Variants in IQCM observed in about 807,000 individuals in gnomAD.
IQCM encodes the protein IQ domain-containing protein M.
In IQCM, 45 loss-of-function variants were observed where a neutral mutation model predicts 57.6. That is an observed-to-expected ratio of 0.78 (90% confidence interval 0.62 to 1.00). IQCM has a LOEUF of 1.00. Among genes scored for constraint, IQCM ranks in the 50% least tolerant of loss-of-function variants. The pLI is 0.00. For synonymous variants in IQCM, 148 were observed against 158.9 expected (o/e 0.93, Z 0.51); for missense variants, 468 against 511.6 (o/e 0.91, Z 0.82).
chr4:149,757,765 GTA>G (rs950674232), intron 2 of IQCM, among the ~76,000 whole-genome samples: 36 of 143,554 alleles, frequency 2.5e-4, no homozygotes, highest in South Asian at 1.4e-3. Context: ...GTGTGTGTGT[GTA>G]TATTTCTGCA....
intron 10 of IQCM, 30 bp from the exon 11 acceptor site, chr4:149,553,317 T>C (rs1749217264): frequency 8.1e-7 from 1 of 1,227,404 alleles, no homozygotes; most frequent in South Asian, 4.1e-5. Context: ...CCTTATATAT[T>C]TCTGGTATTT....
At chr4:149,509,133 G>C (rs1053105476) in intron 12 of IQCM, among the ~76,000 whole-genome samples, 1 of 152,118 alleles carries the variant, frequency 6.6e-6, no homozygotes, top group East Asian at 1.9e-4. Context: ...AGTGAAAACA[G>C]ACTAATATAC....
chr4:149,769,367 C>T (rs149342238), intron 2 of IQCM, among the ~76,000 whole-genome samples: 2 of 152,054 alleles, frequency 1.3e-5, no homozygotes, highest in East Asian at 1.9e-4. Flanking sequence ...TCCAACAACC[C>T]TTTATATCCA....
At chr4:149,415,472 C>T (rs1037480656) in intron 13 of IQCM, among the ~76,000 whole-genome samples, 1 of 152,098 alleles carries the variant, frequency 6.6e-6, no homozygotes, top group Admixed American at 6.6e-5. Context: ...TTCTGTAAAT[C>T]ACATAATAAA....
At chr4:149,479,289 A>AG (rs1001968258) in intron 12 of IQCM, among the ~76,000 whole-genome samples, 10 of 152,324 alleles carry the variant, frequency 6.6e-5, no homozygotes, top group Non-Finnish European at 1.3e-4. Flanking sequence ...TGGTATACAG[A>AG]GGGAAAAACA....
At chr4:149,409,724 A>G (rs4835579) in intron 13 of IQCM, among the ~76,000 whole-genome samples, 22,177 of 152,156 alleles carry the variant, frequency 0.15, 2,032 homozygotes, top group South Asian at 0.33. Context: ...TTCCTCCACC[A>G]TTTATGAAGA....
intron 12 of IQCM, among the ~76,000 whole-genome samples, chr4:149,455,270 T>C (rs561810136): frequency 3.3e-5 from 5 of 152,016 alleles, no homozygotes; most frequent in African/African-American, 1.2e-4. Flanking sequence ...GAGCTATAGA[T>C]ATGGCTCATT....
At chr4:149,768,863 T>C (rs976297094) in intron 2 of IQCM, among the ~76,000 whole-genome samples, 1 of 152,094 alleles carries the variant, frequency 6.6e-6, no homozygotes. Context: ...CTTGAGTTTT[T>C]TGGGCACTTT....
chr4:149,596,489 T>A (rs537202354), intron 8 of IQCM, among the ~76,000 whole-genome samples: 1 of 152,094 alleles, frequency 6.6e-6, no homozygotes, highest in African/African-American at 2.4e-5. Flanking sequence ...AGTTGAGAGG[T>A]AAACATTGGA....
At chr4:149,416,085 A>G (rs1027673315) in intron 13 of IQCM, among the ~76,000 whole-genome samples, 1 of 152,018 alleles carries the variant, frequency 6.6e-6, no homozygotes, top group Non-Finnish European at 1.5e-5. Flanking sequence ...TTAATTTAGA[A>G]TCCTAATCAG....
chr4:149,721,059 G>C (rs1330406755), intron 5 of IQCM, among the ~76,000 whole-genome samples: 1 of 152,016 alleles, frequency 6.6e-6, no homozygotes, highest in Non-Finnish European at 1.5e-5. Context: ...TGTATAATCG[G>C]TCATCTGTTT....
At chr4:149,504,633 G>T (rs1743598364) in intron 12 of IQCM, among the ~76,000 whole-genome samples, 2 of 152,148 alleles carry the variant, frequency 1.3e-5, no homozygotes, top group Admixed American at 1.3e-4. Context: ...GAGACTGGGG[G>T]CCAGGTGCAG....
intron 8 of IQCM, among the ~76,000 whole-genome samples, chr4:149,616,958 CT>C (rs774160343): frequency 0.032 from 4,515 of 140,590 alleles, 120 homozygotes; most frequent in African/African-American, 0.081. Context: ...TATCCTGGAA[CT>C]TTTTTTTTTT....
chr4:149,527,596 T>C (rs1463403914), intron 12 of IQCM, among the ~76,000 whole-genome samples: 1 of 152,210 alleles, frequency 6.6e-6, no homozygotes, highest in African/African-American at 2.4e-5. Flanking sequence ...CACGCTATAG[T>C]ATTTTGTTAA....
intron 12 of IQCM, among the ~76,000 whole-genome samples, chr4:149,453,330 A>G (rs1737338030): frequency 6.6e-6 from 1 of 151,802 alleles, no homozygotes; most frequent in Admixed American, 6.6e-5. Flanking sequence ...CCAAACTCAC[A>G]ATGACAAAAG....
At chr4:149,485,460 C>T (rs1008192273) in intron 12 of IQCM, among the ~76,000 whole-genome samples, 4 of 151,666 alleles carry the variant, frequency 2.6e-5, no homozygotes, top group Non-Finnish European at 5.9e-5. Context: ...TTCAAGCTCA[C>T]TAATTCCTTC....
intron 7 of IQCM, among the ~76,000 whole-genome samples, chr4:149,631,979 C>A (rs1033257631): frequency 1.3e-5 from 2 of 152,194 alleles, no homozygotes; most frequent in Non-Finnish European, 2.9e-5. Context: ...TTGGTTTCTA[C>A]ACCACATAGA....
chr4:149,682,004 A>AG (rs1561149919), intron 7 of IQCM, 114 bp downstream of exon 7: 2 of 422,538 alleles, frequency 4.7e-6, no homozygotes, highest in East Asian at 7.2e-5. Context: ...AGTGTTTGAA[A>AG]TGAAAATAAA....
chr4:149,481,716 T>TTTTGTTTTTTTTTTTTTTG (rs1740896537), intron 12 of IQCM, among the ~76,000 whole-genome samples: 6 of 138,648 alleles, frequency 4.3e-5, no homozygotes, highest in African/African-American at 1.6e-4. Context: ...TTTTTTTTTT[T>TTTTGTTTTTTTTTTTTTTG]TTTTTTGCTT....
Sources: allele counts gnomAD v4.1 joint callset (sites outside exome capture counted in the v4.1 genomes callset), GRCh38; gene constraint gnomAD v4.1.1; transcripts MANE v1.5; gene names NCBI Gene and HGNC (gene_info 2026-07-23, HGNC 2026-07-21).